The following SLC71A2 variants were observed in gnomAD, a reference collection of about 807,000 sequenced individuals.
The protein encoded by SLC71A2 is hippocampus abundant transcript-like 1.
At chr9:94,456,524 T>C in the SLC71A2 span, among the ~76,000 whole-genome samples, 3 of 152,350 alleles carry the variant, frequency 2.0e-5, no homozygotes, top group South Asian at 2.1e-4. Flanking sequence ...CTTACACTTA[T>C]ATTTTTTAAA....
the SLC71A2 span, among the ~76,000 whole-genome samples, chr9:94,422,935 C>CTTT: frequency 7.4e-6 from 1 of 134,630 alleles, no homozygotes; most frequent in African/African-American, 2.7e-5. Flanking sequence ...GTCTTTCTTC[C>CTTT]TTTTTTTTTT....
chr9:94,452,910 G>A, the SLC71A2 span, among the ~76,000 whole-genome samples: 1 of 151,526 alleles, frequency 6.6e-6, no homozygotes, highest in Non-Finnish European at 1.5e-5. Context: ...TACTGCCTAG[G>A]GGTTGTTTTC....
At chr9:94,376,541 G>C in the SLC71A2 span, among the ~76,000 whole-genome samples, 1 of 150,694 alleles carries the variant, frequency 6.6e-6, no homozygotes, top group East Asian at 2.0e-4. Flanking sequence ...AAAATAAATT[G>C]GCAGGTTGAA....
the SLC71A2 span, chr9:94,459,026 C>A: frequency 1.0e-6 from 1 of 976,496 alleles, no homozygotes; most frequent in Non-Finnish European, 1.5e-6. Flanking sequence ...TTTGCCTTGA[C>A]ATTTAATGAA....
At chr9:94,455,398 T>TTTTTTTTTTTTTTG in the SLC71A2 span, among the ~76,000 whole-genome samples, 3 of 127,604 alleles carry the variant, frequency 2.4e-5, no homozygotes, top group Admixed American at 7.6e-5. Flanking sequence ...TTTTTTTTTT[T>TTTTTTTTTTTTTTG]GTAAAGACAA....
At chr9:94,405,787 T>G in the SLC71A2 span, among the ~76,000 whole-genome samples, 1 of 151,908 alleles carries the variant, frequency 6.6e-6, no homozygotes, top group Non-Finnish European at 1.5e-5. Flanking sequence ...TCCCTTAAGA[T>G]TCTATATAAA....
the SLC71A2 span, among the ~76,000 whole-genome samples, chr9:94,404,908 C>T: frequency 6.6e-6 from 1 of 152,118 alleles, no homozygotes; most frequent in Non-Finnish European, 1.5e-5. Context: ...TCCAAGAAGT[C>T]ATTGTCAAAT....
the SLC71A2 span, among the ~76,000 whole-genome samples, chr9:94,418,083 G>A: frequency 2.6e-5 from 4 of 152,034 alleles, no homozygotes; most frequent in Non-Finnish European, 5.9e-5. Context: ...GGCTGGTCTC[G>A]AACTCCTGAC....
the SLC71A2 span, among the ~76,000 whole-genome samples, chr9:94,380,361 T>G: frequency 5.4e-5 from 8 of 148,824 alleles, no homozygotes; most frequent in African/African-American, 2.0e-4. Flanking sequence ...GTCATAGAAC[T>G]TTCACAAGTG....
At chr9:94,459,297 T>C in the SLC71A2 span, 2 of 1,614,170 alleles carry the variant, frequency 1.2e-6, no homozygotes, top group South Asian at 1.1e-5. Flanking sequence ...AGCGGCAGCC[T>C]GACCAACACC....
chr9:94,459,031 A>G, the SLC71A2 span: 1 of 1,022,950 alleles, frequency 9.8e-7, no homozygotes, highest in African/African-American at 1.6e-5. Flanking sequence ...CTTGACATTT[A>G]ATGAAACATT....
At chr9:94,379,917 C>T in the SLC71A2 span, among the ~76,000 whole-genome samples, 1 of 152,104 alleles carries the variant, frequency 6.6e-6, no homozygotes, top group African/African-American at 2.4e-5. Context: ...TGTTAGGTAT[C>T]CTTTTGGCTG....
At chr9:94,444,911 T>A in the SLC71A2 span, 1 of 1,541,938 alleles carries the variant, frequency 6.5e-7, no homozygotes, top group Non-Finnish European at 9.0e-7. Context: ...GGATATGCTT[T>A]CCCCAGAGGT....
At chr9:94,450,973 TAACTGGTCTCC>T in the SLC71A2 span, among the ~76,000 whole-genome samples, 1 of 152,182 alleles carries the variant, frequency 6.6e-6, no homozygotes, top group African/African-American at 2.4e-5. Context: ...GAGCCTGATT[TAACTGGTCTCC>T]AGTGGTCTTC....
the SLC71A2 span, among the ~76,000 whole-genome samples, chr9:94,430,488 C>A: frequency 1.3e-5 from 2 of 152,056 alleles, no homozygotes; most frequent in African/African-American, 4.8e-5. Context: ...CTCCCACAGT[C>A]TTGCAATCAC....
At chr9:94,412,201 A>T in the SLC71A2 span, among the ~76,000 whole-genome samples, 1 of 152,162 alleles carries the variant, frequency 6.6e-6, no homozygotes, top group African/African-American at 2.4e-5. Flanking sequence ...GGGACATTTG[A>T]TTTCAGTGAA....
chr9:94,451,659 T>C, the SLC71A2 span: 8 of 481,758 alleles, frequency 1.7e-5, no homozygotes, highest in African/African-American at 6.1e-5. Flanking sequence ...CCCCCTGCTA[T>C]GGTAAGGTCT....
chr9:94,434,968 TA>T, the SLC71A2 span, among the ~76,000 whole-genome samples: 1 of 152,192 alleles, frequency 6.6e-6, no homozygotes, highest in Non-Finnish European at 1.5e-5. Context: ...ACTACCTCCT[TA>T]CCATTCTAGC....
At chr9:94,456,108 T>C in the SLC71A2 span, 9 of 593,932 alleles carry the variant, frequency 1.5e-5, no homozygotes, top group Non-Finnish European at 2.6e-5. Flanking sequence ...AATGCATTTT[T>C]AAAGAGGAAA....
Sources: allele counts gnomAD v4.1 joint callset (sites outside exome capture counted in the v4.1 genomes callset), GRCh38; gene constraint gnomAD v4.1.1; transcripts MANE v1.5; gene names NCBI Gene and HGNC (gene_info 2026-07-23, HGNC 2026-07-21).